Variants in KLC4 observed in about 807,000 individuals in gnomAD.
The protein encoded by KLC4 is kinesin light chain 4, also known as kinesin-like protein 8.
KLC4 carries 49 observed loss-of-function variants against 77.2 expected under a neutral mutation model. That is an observed-to-expected ratio of 0.63 (90% CI 0.50 to 0.80). The LOEUF is 0.80. Among genes scored for constraint, KLC4 ranks in the 30% least tolerant of loss-of-function variants. The pLI, the probability that KLC4 is intolerant of heterozygous loss-of-function variation, is 0.00. For missense variants in KLC4, 669 were observed against 793.5 expected (o/e 0.84, Z 1.89); for synonymous variants, 274 against 314.5 (o/e 0.87, Z 1.36).
chr6:43,061,948 T>TA (rs1765186865), intron 2 of KLC4, among the ~76,000 whole-genome samples: 1 of 152,112 alleles, frequency 6.6e-6, no homozygotes, highest in Admixed American at 6.5e-5. Flanking sequence ...TAATTTTAGA[T>TA]AGGGTGGTCA....
rs369556098 is a variant in KLC4, at chr6:43,061,313, C to A, written c.-23C>A. The A allele has an allele frequency of 1.9e-6, 3 of 1,611,448 alleles. No individual in the cohort carries two copies. In the African/African-American group the frequency reaches 4.0e-5, roughly 22 times the overall value. Reference sequence around the variant, plus strand: ...TGAACTCTGTTGTTTCTCCCTAGACCGGGCAAGGTCCCCCAGGCCAGGATG... The same window carrying A: ...TGAACTCTGTTGTTTCTCCCTAGACAGGGCAAGGTCCCCCAGGCCAGGATG... On this transcript the variant is annotated splice_region_variant and 5_prime_UTR_variant, in exon 2 of 16. Transcript: ENST00000347162.
chr6:43,071,215 A>AG, intron 8 of KLC4, 60 bp from the exon 9 acceptor site: 1 of 1,032,074 alleles, frequency 9.7e-7, no homozygotes, highest in South Asian at 1.5e-5. Context: ...AAAAAAAAAA[A>AG]AAAAAGACCT....
intron 12 of KLC4, among the ~76,000 whole-genome samples, chr6:43,072,476 G>T (rs1030237437): frequency 6.6e-6 from 1 of 152,150 alleles, no homozygotes; most frequent in African/African-American, 2.4e-5. Context: ...TTCACTAAAT[G>T]GGGATATGAA....
At chr6:43,072,069 C>A in intron 11 of KLC4, 78 bp from the exon 12 acceptor site, 1 of 1,430,684 alleles carries the variant, frequency 7.0e-7, no homozygotes, top group Non-Finnish European at 9.8e-7. Context: ...TTTTTTTCCT[C>A]TTGTCTTGCT....
rs555670643 is a variant in KLC4, at chr6:43,066,271, G to A, written c.572-35G>A. On this transcript the variant is annotated intron_variant, in intron 4 of 15. Transcript: ENST00000347162. ...GAAGGGCAGACAGCAAAGGGGAGAG[G>A]AAGAGTCCTTTGTTTATGTTCTGTG... 60 of 1,560,966 alleles carry A rather than the reference G, an allele frequency of 3.8e-5. 1 individual carries two copies. The South Asian group carries it at 5.7e-4, about 15-fold the overall frequency.
At chr6:43,061,869 G>A (rs951464179) in intron 2 of KLC4, among the ~76,000 whole-genome samples, 6 of 152,220 alleles carry the variant, frequency 3.9e-5, no homozygotes, top group Admixed American at 6.5e-5. Flanking sequence ...ATGCCAGAGT[G>A]ATAGTTGCTA....
chr6:43,072,242 G>GGTCC lies in KLC4; in HGVS notation c.1476_1479dup (p.Arg494ValfsTer7). On this transcript the variant is annotated frameshift_variant, in exon 12 of 16. Coordinates refer to ENST00000347162, the MANE Select transcript of KLC4 (RefSeq NM_201521.3). LOFTEE classifies it high-confidence loss of function. ...GAGACCCTGGAGGAATGTGCCCTGC[G>GGTCC]GTCCCGGAGACAGGTCAGAAGCCCA... is the stretch of plus-strand genomic sequence containing the variant. The GGTCC allele has an allele frequency of 6.2e-7, 1 of 1,613,778 alleles. No individual in the cohort carries two copies. The highest frequency in any genetic ancestry group is 8.5e-7 in the Non-Finnish European group (1 of 1,179,728).
chr6:43,074,092 G>A (rs1288822303), intron 15 of KLC4, 127 bp downstream of exon 15: 40 of 700,182 alleles, frequency 5.7e-5, no homozygotes, highest in Non-Finnish European at 1.4e-5. Context: ...CCAGGGGATT[G>A]CAGTCATTAA....
chr6:43,068,001 G>A (rs113756040), intron 6 of KLC4, among the ~76,000 whole-genome samples: 1,996 of 97,268 alleles, frequency 0.021, 113 homozygotes, highest in Non-Finnish European at 0.026. Context: ...AGTCCCAGCT[G>A]CTTGGGAGGC....
chr6:43,067,651 C>T (rs1453386594), intron 6 of KLC4, among the ~76,000 whole-genome samples: 6 of 150,162 alleles, frequency 4.0e-5, no homozygotes, highest in South Asian at 2.1e-4. Context: ...CAAAAAATGC[C>T]GGGCGTGGTG....
intron 13 of KLC4, 80 bp downstream of exon 13, chr6:43,073,044 A>G: frequency 6.7e-7 from 1 of 1,497,736 alleles, no homozygotes; most frequent in Non-Finnish European, 9.0e-7. Flanking sequence ...ATGCTGTCCC[A>G]GTCTAGGTAG....
intron 8 of KLC4, 61 bp downstream of exon 8, chr6:43,070,926 AGG>A (rs201530763): frequency 2.9e-5 from 3 of 103,832 alleles, no homozygotes; most frequent in East Asian, 4.4e-4. Flanking sequence ...AGGTGGGGGG[AGG>A]GGGGGCAGGC....
Position 43,070,439 on chromosome 6 carries a change from T to G in KLC4, c.965T>G (p.Leu322Arg). 1 of 1,613,408 alleles carries G rather than the reference T, an allele frequency of 6.2e-7. No homozygotes were observed. The highest frequency in any genetic ancestry group is 8.5e-7 in the Non-Finnish European group (1 of 1,179,336). ...KEAEPLCQRA[L>R]EIREKVLGTN... ...GCAGAGCCTCTGTGCCAGCGGGCACTGGAGATTCGAGAAAAGGTACCCATG... is the reference window on the plus strand; with the variant it reads ...GCAGAGCCTCTGTGCCAGCGGGCACGGGAGATTCGAGAAAAGGTACCCATG... The change falls in exon 7 of 16, where the codon CTG becomes CGG. Residue 322 changes from leucine to arginine, a missense_variant. By Grantham distance (102) the Leu-to-Arg change is moderately radical (BLOSUM62 -2). Transcript: ENST00000347162.
chr6:43,066,853 GC>G lies in KLC4; in HGVS notation c.792-138del. On this transcript the variant is annotated intron_variant, in intron 5 of 15. Transcript: ENST00000347162. Reference sequence around the variant, plus strand: ...ATTCTGGTATGAGTATGTCAGTGAAGCCCCCTTACTGTCCACGCCAGGCTTC... The same window carrying G: ...ATTCTGGTATGAGTATGTCAGTGAAGCCCCTTACTGTCCACGCCAGGCTTC... 1.6e-6 allele frequency: 2 copies of G among 1,215,516 alleles called. 1 individual carries two copies. Among genetic ancestry groups the G allele is most frequent in the Non-Finnish European group, 2.3e-6 (2 of 883,654 alleles). 75.3% of individuals were successfully genotyped at this position (1,215,516 alleles called of 1,614,324 possible).
chr6:43,067,909 G>A (rs1433254083), intron 6 of KLC4, among the ~76,000 whole-genome samples: 18 of 108,726 alleles, frequency 1.7e-4, no homozygotes, highest in African/African-American at 3.5e-4. Context: ...TCAGGAGATC[G>A]AGACCATCCT....
Position 43,061,525 on chromosome 6 carries a change from G to C in KLC4, c.190G>C (p.Val64Leu). 1 of 1,614,134 alleles carries C rather than the reference G, an allele frequency of 6.2e-7. No individual in the cohort carries two copies. The highest frequency in any genetic ancestry group is 8.5e-7 in the Non-Finnish European group (1 of 1,179,954). The change falls in exon 2 of 16, where the codon GTG becomes CTG. Residue 64 changes from valine (V) to leucine (L), a missense_variant. Physicochemically the swap from Val to Leu is conservative, Grantham distance 32. Transcript: ENST00000347162. Reference sequence around the variant, plus strand: ...GCAGGGAGGCCATGAGGAAGGGCTGGTGCATGAGAAGGCCCGGCAGCTTCG... The same window carrying C: ...GCAGGGAGGCCATGAGGAAGGGCTGCTGCATGAGAAGGCCCGGCAGCTTCG... ...LQQGGHEEGLVHEKARQLRRS... is the reference protein window; with the variant it reads ...LQQGGHEEGLLHEKARQLRRS...
rs1038086733 is a variant in KLC4 at position 43,062,036 on chromosome 6, CAG to C, written c.258+444_258+445del. ...TGAGGGGAATGAGTCATGCCATAAACAGGGGAAGGGCATCCTAAGCACAGAGA... is the reference window on the plus strand; with the variant it reads ...TGAGGGGAATGAGTCATGCCATAAACGGGAAGGGCATCCTAAGCACAGAGA... On this transcript the variant is annotated intron_variant, in intron 2 of 15. Coordinates refer to ENST00000347162, the MANE Select transcript of KLC4 (RefSeq NM_201521.3). Among the ~76,000 whole-genome samples, 12 of 152,232 alleles carry C rather than the reference CAG, an allele frequency of 7.9e-5. No homozygotes were observed. The East Asian group carries it at 1.7e-3, about 22-fold the overall frequency.
In KLC4 at chr6:43,070,675, C is replaced by A. The variant is rs757074400; in HGVS notation, c.982-17C>A. 4 of 1,606,988 alleles carry A rather than the reference C, an allele frequency of 2.5e-6. No homozygotes were observed. The South Asian group carries it at 4.4e-5, about 18-fold the overall frequency. On this transcript the variant is annotated splice_polypyrimidine_tract_variant and intron_variant, in intron 7 of 15. Coordinates refer to ENST00000347162, the MANE Select transcript of KLC4 (RefSeq NM_201521.3). ...ATGTTATCATAGCCATTTATCCACT[C>A]CTTTGTTCCCTTTCAGGTCCTGGGC... is the stretch of plus-strand genomic sequence containing the variant.
rs768070146 is a variant in KLC4 at position 43,072,248 on chromosome 6, G to A, written c.1481G>A (p.Arg494Gln). 2.8e-5 allele frequency: 45 copies of A among 1,613,230 alleles called. No homozygotes were observed. The Admixed American group carries it at 4.3e-4, about 16-fold the overall frequency. The change falls in exon 12 of 16, where the codon CGG becomes CAG. Residue 494 changes from arginine to glutamine, a missense_variant. Coordinates refer to ENST00000347162, the MANE Select transcript of KLC4 (RefSeq NM_201521.3). ...ETLEECALRS[R>Q]RQGTDPISQT... ...CTGGAGGAATGTGCCCTGCGGTCCC[G>A]GAGACAGGTCAGAAGCCCAGAGGGG... is the stretch of plus-strand genomic sequence containing the variant.
Sources: gnomAD v4.1 joint callset for allele counts (sites outside exome capture counted in the v4.1 genomes callset) on GRCh38, gnomAD v4.1.1 for gene constraint, MANE v1.5 for transcripts, NCBI Gene and HGNC (gene_info 2026-07-23, HGNC 2026-07-21) for gene names.